Variants in ANKRD17 observed in about 807,000 individuals in gnomAD.
ANKRD17 encodes ankyrin repeat domain-containing protein 17.
A neutral mutation model predicts 229.7 loss-of-function variants in ANKRD17; 19 were observed. The observed-to-expected ratio is 0.08, with a 90% CI of 0.06 to 0.12. The LOEUF is 0.12. Ranked by LOEUF, ANKRD17 falls within the 10% of genes least tolerant of loss-of-function variation. ANKRD17 has a pLI of 1.00. For synonymous variants in ANKRD17, 1,112 were observed against 1,146.1 expected (o/e 0.97, Z 0.60); for missense variants, 2,176 against 3,176.8 (o/e 0.68, Z 7.57).
At chr4:73,083,545 A>G (rs1721782412) in intron 30 of ANKRD17, among the ~76,000 whole-genome samples, 1 of 152,202 alleles carries the variant, frequency 6.6e-6, no homozygotes, top group Non-Finnish European at 1.5e-5. Context: ...AATTTTTTGT[A>G]ACAAAATAGT....
chr4:73,145,847 A>T (rs1464276706), intron 10 of ANKRD17, among the ~76,000 whole-genome samples: 1 of 152,186 alleles, frequency 6.6e-6, no homozygotes, highest in African/African-American at 2.4e-5. Context: ...CTCATAAATG[A>T]CAAAAGAAAG....
At chr4:73,189,992 C>A (rs1294909776) in intron 1 of ANKRD17, among the ~76,000 whole-genome samples, 1 of 152,158 alleles carries the variant, frequency 6.6e-6, no homozygotes, top group South Asian at 2.1e-4. Flanking sequence ...TATGTATCAT[C>A]TCAACAAAAG....
chr4:73,146,588 G>C (rs1304589909), intron 10 of ANKRD17, among the ~76,000 whole-genome samples, 176 bp downstream of exon 10: 7 of 151,830 alleles, frequency 4.6e-5, no homozygotes, highest in Admixed American at 2.0e-4. Context: ...ATTAAGGATG[G>C]ACACTAAACA....
At position 73,125,231 on chromosome 4, in the gene ANKRD17, C is replaced by T. The variant is rs766877431; in HGVS notation, c.3316G>A (p.Gly1106Arg). The T allele has an allele frequency of 1.9e-6, 3 of 1,613,476 alleles. No individual in the cohort carries two copies. The highest frequency in any genetic ancestry group is 1.1e-5 in the South Asian group (1 of 91,044). ...EELVQTLLER[G>R]ASIEHRDKKG... ...TTGTCTCGGTGCTCTATACTAGCTC[C>T]TCTCTCTAGCAGTGTTTGTACCAGT... Residue 1106 changes from glycine (G) to arginine (R), a missense_variant, in exon 17 of 34, where the codon GGA becomes AGA. Transcript: ENST00000358602.
intron 31 of ANKRD17, 35 bp from the exon 32 acceptor site, chr4:73,077,568 T>C: frequency 1.3e-6 from 2 of 1,508,514 alleles, no homozygotes; most frequent in Non-Finnish European, 1.8e-6. Context: ...CAAAAATAGA[T>C]AATATTTAAA....
chr4:73,246,093 A>T (rs1410866803), intron 1 of ANKRD17, among the ~76,000 whole-genome samples: 1 of 152,222 alleles, frequency 6.6e-6, no homozygotes, highest in Non-Finnish European at 1.5e-5. Context: ...AACAAGAAAG[A>T]ATCATCTAAA....
At chr4:73,118,521 AC>A (rs1196410331) in intron 22 of ANKRD17, among the ~76,000 whole-genome samples, 166 bp downstream of exon 22, 1 of 151,926 alleles carries the variant, frequency 6.6e-6, no homozygotes, top group African/African-American at 2.4e-5. Context: ...TTTCTGAAAA[AC>A]CTGTATATAT....
chr4:73,074,344 A>C lies in ANKRD17; in HGVS notation c.*1887T>G, dbSNP rs182973912. The C allele has an allele frequency of 1.1e-4, 16 of 152,150 alleles. No homozygotes were observed. In the East Asian group the frequency reaches 2.5e-3, roughly 24 times the overall value. The allele number at this position is 152,150 out of a possible 1,614,324, so 9.4% of individuals were successfully genotyped here. A position where few individuals can be genotyped will look rare whatever the true frequency, so the allele number is the denominator to read the frequency against. On this transcript the variant is annotated 3_prime_UTR_variant, in exon 34 of 34. Transcript: ENST00000358602. ...ACACAGGAAAGAATTAAGAAAAAAA[A>C]TTTTATGTATAGAATAGTGGCAAGT...
intron 1 of ANKRD17, among the ~76,000 whole-genome samples, chr4:73,200,550 C>G (rs1227691840): frequency 1.6e-4 from 25 of 152,022 alleles, no homozygotes; most frequent in Admixed American, 1.6e-3. Flanking sequence ...ATACTAATAC[C>G]AGGTGAAGGT....
intron 16 of ANKRD17, among the ~76,000 whole-genome samples, chr4:73,130,807 A>G (rs1179091887): frequency 6.6e-6 from 1 of 152,138 alleles, no homozygotes; most frequent in African/African-American, 2.4e-5. Context: ...GGCTCCTAGA[A>G]TCGATCATAT....
rs1305901535 is a variant in ANKRD17 at position 73,097,255 on chromosome 4, C to A, written c.5039G>T (p.Ser1680Ile). The change falls in exon 27 of 34, where the codon AGT becomes ATT. Residue 1680 changes from serine (S) to isoleucine (I), a missense_variant. Ser to Ile is a moderately radical substitution (Grantham distance 142). This residue lies in a region of ANKRD17 where 98 missense variants were observed against 101.0 expected (regional missense o/e 0.97). Transcript: ENST00000358602. ...AGATAGAGAATTACTGGTCCCTTCA[C>A]TGATAGTTTCTGACAATCTTTAACA... is the stretch of plus-strand genomic sequence containing the variant. ...KASIKLSETI[S>I]EGTSNSLSTC... 1 of 1,578,326 alleles carries A rather than the reference C, an allele frequency of 6.3e-7. No individual in the cohort carries two copies. The highest frequency in any genetic ancestry group is 8.6e-7 in the Non-Finnish European group (1 of 1,167,304).
At chr4:73,085,862 G>A (rs938652450) in intron 29 of ANKRD17, among the ~76,000 whole-genome samples, 10 of 151,354 alleles carry the variant, frequency 6.6e-5, no homozygotes, top group African/African-American at 1.2e-4. Flanking sequence ...TTGGTGGTGC[G>A]TGTTTGTAGT....
rs182131972 is a variant in ANKRD17 at position 73,131,561 on chromosome 4, C to T, written c.3234+3556G>A. Among the ~76,000 whole-genome samples, 347 of 152,170 alleles carry T rather than the reference C, an allele frequency of 2.3e-3. 1 individual carries two copies. Among genetic ancestry groups the T allele is most frequent in the African/African-American group, 8.2e-3 (339 of 41,516 alleles). On this transcript the variant is annotated intron_variant, in intron 16 of 33. Transcript: ENST00000358602. ...CGTTTCTGTGATCCCACTTACCAGG[C>T]TAATACAACATAATTCAAATTCAAG...
intron 1 of ANKRD17, among the ~76,000 whole-genome samples, chr4:73,252,162 C>T (rs1227737070): frequency 6.6e-6 from 1 of 152,174 alleles, no homozygotes; most frequent in South Asian, 2.1e-4. Flanking sequence ...GATACAAAGA[C>T]TTACATAAGA....
intron 16 of ANKRD17, among the ~76,000 whole-genome samples, chr4:73,131,313 CAT>C (rs1728174326): frequency 1.3e-5 from 2 of 152,176 alleles, no homozygotes; most frequent in Admixed American, 1.3e-4. Context: ...AGAAATAAAA[CAT>C]ATGATTCCTG....
chr4:73,160,476 C>T (rs1301575765), intron 3 of ANKRD17, among the ~76,000 whole-genome samples: 1 of 151,972 alleles, frequency 6.6e-6, no homozygotes. Flanking sequence ...GCCTCGGCCT[C>T]CAAAGTGCTG....
intron 1 of ANKRD17, among the ~76,000 whole-genome samples, chr4:73,226,310 G>A (rs1227083305): frequency 6.7e-6 from 1 of 149,640 alleles, no homozygotes; most frequent in African/African-American, 2.5e-5. Context: ...TCACAGATAA[G>A]AGAATTGTCT....
intron 29 of ANKRD17, among the ~76,000 whole-genome samples, chr4:73,085,714 G>A (rs1210189331): frequency 2.0e-5 from 3 of 150,914 alleles, no homozygotes; most frequent in Admixed American, 2.0e-4. Flanking sequence ...CTGGCTGGGT[G>A]TGGTGGTTCA....
intron 16 of ANKRD17, among the ~76,000 whole-genome samples, chr4:73,128,416 A>G (rs2148739784): frequency 6.6e-6 from 1 of 152,376 alleles, no homozygotes; most frequent in Non-Finnish European, 1.5e-5. Flanking sequence ...GGTTTCTAAA[A>G]TTCTTCCAGG....
Sources: allele counts gnomAD v4.1 joint callset (sites outside exome capture counted in the v4.1 genomes callset), GRCh38; gene constraint gnomAD v4.1.1; regional missense constraint gnomAD v4.1.1; transcripts MANE v1.5; gene names NCBI Gene and HGNC (gene_info 2026-07-23, HGNC 2026-07-21).